Variants in LRPPRC observed in about 807,000 individuals in gnomAD.
The protein encoded by LRPPRC is leucine rich pentatricopeptide repeat containing, also known as leucine-rich PPR motif-containing protein, mitochondrial.
In LRPPRC, 120 loss-of-function variants were observed where a neutral mutation model predicts 180.3. That is an observed-to-expected ratio of 0.67 (90% CI 0.57 to 0.77). The LOEUF (loss-of-function observed/expected upper bound fraction) is 0.77, where lower values mean the gene tolerates loss of function less well. Ranked by LOEUF, LRPPRC falls within the 30% of genes least tolerant of loss-of-function variation. The probability of loss-of-function intolerance (pLI) is 0.00; values close to 1 mark genes in which losing one functional copy is unlikely to be tolerated. For synonymous variants in LRPPRC, 723 were observed against 600.0 expected, an observed-to-expected ratio of 1.21 and a Z score of -3.00; for missense variants, 2,012 against 1,657.2, an observed-to-expected ratio of 1.21 and a Z score of -3.72.
Position 43,925,896 on chromosome 2 carries a change from A to C in LRPPRC, c.2802T>G (p.Asn934Lys). ...QWFCDRCVAN[N>K]QVETLEKLVE... The stretch of plus-strand genomic sequence containing the variant: ...GACATCTGAATCAAATACAAACCTG[A>C]TTATTTGCAACACATCTGTCACAAA... Residue 934 changes from asparagine (N) to lysine (K), a missense_variant, in exon 26 of 38, where the codon AAT becomes AAG. Transcript: ENST00000260665. 2 of 1,608,558 alleles carry C rather than the reference A, an allele frequency of 1.2e-6. No individual in the cohort carries two copies. The highest frequency in any genetic ancestry group is 1.3e-5 in the African/African-American group (1 of 74,928).
At chr2:43,975,808 C>A (rs1430552874) in intron 6 of LRPPRC, among the ~76,000 whole-genome samples, 1 of 152,102 alleles carries the variant, frequency 6.6e-6, no homozygotes, top group East Asian at 1.9e-4. Flanking sequence ...GTCTTGAACT[C>A]CTGACCTCAG....
chr2:43,899,740 C>A, intron 32 of LRPPRC, 135 bp from the exon 33 acceptor site: 1 of 643,380 alleles, frequency 1.6e-6, no homozygotes. Context: ...TACACTTAAC[C>A]AAATAAACAC....
intron 31 of LRPPRC, chr2:43,901,816 G>C (rs542087938): frequency 5.7e-6 from 2 of 349,366 alleles, no homozygotes; most frequent in African/African-American, 2.1e-5. Flanking sequence ...AGTGACTAAA[G>C]TTGGTAAGTT....
intron 30 of LRPPRC, among the ~76,000 whole-genome samples, chr2:43,911,983 G>A (rs1260770389): frequency 3.9e-5 from 6 of 151,984 alleles, no homozygotes; most frequent in African/African-American, 1.5e-4. Flanking sequence ...TCATCATACG[G>A]AAGAAGAACT....
At position 43,918,032 on chromosome 2, in the gene LRPPRC, T is replaced by G. The variant is rs746870864; in HGVS notation, c.3141A>C (p.Gln1047His). Residue 1047 changes from glutamine (Q) to histidine (H), a missense_variant, in exon 29 of 38, where the codon CAA (glutamine) becomes CAC (histidine). Coordinates refer to ENST00000260665, the MANE Select transcript of LRPPRC (RefSeq NM_133259.4). ...KDILIACRLNQKKGAYDIFLN... is the reference protein window; with the variant it reads ...KDILIACRLNHKKGAYDIFLN... Reference sequence around the variant, plus strand: ...ATCCCCGTATGTGCTTGCCTTTTTTTTGGTTCAATCGGCAGGCAATCAATA... The same window carrying G: ...ATCCCCGTATGTGCTTGCCTTTTTTGTGGTTCAATCGGCAGGCAATCAATA... 1 of 1,610,724 alleles carries G rather than the reference T, an allele frequency of 6.2e-7. No individual in the cohort carries two copies.
At chr2:43,891,481 A>C (rs1048562929) in intron 36 of LRPPRC, among the ~76,000 whole-genome samples, 2 of 152,172 alleles carry the variant, frequency 1.3e-5, no homozygotes, top group African/African-American at 4.8e-5. Context: ...TTCCTGGAAT[A>C]TTTCAACCTT....
At chr2:43,916,011 C>T (rs1287821258) in intron 29 of LRPPRC, among the ~76,000 whole-genome samples, 5 of 152,124 alleles carry the variant, frequency 3.3e-5, no homozygotes, top group Non-Finnish European at 5.9e-5. Flanking sequence ...GTGATCTGCC[C>T]ACCTTGGCCT....
chr2:43,889,694 C>T (rs1670413502), intron 37 of LRPPRC, 40 bp downstream of exon 37: 2 of 1,469,228 alleles, frequency 1.4e-6, no homozygotes, highest in Middle Eastern at 1.7e-4. Context: ...GCACATAAAT[C>T]TGCAGAGGTA....
chr2:43,935,121 G>C (rs888511865), intron 23 of LRPPRC, among the ~76,000 whole-genome samples: 1 of 152,110 alleles, frequency 6.6e-6, no homozygotes, highest in African/African-American at 2.4e-5. Context: ...TTATTATTTC[G>C]TGTGTTAAAG....
intron 3 of LRPPRC, 49 bp downstream of exon 3, chr2:43,979,777 A>T: frequency 6.3e-7 from 1 of 1,583,074 alleles, no homozygotes; most frequent in Non-Finnish European, 8.7e-7. Flanking sequence ...TTGCAAAAAG[A>T]AAAAACATCT....
chr2:43,911,505 T>TTTC (rs202191599), intron 30 of LRPPRC, among the ~76,000 whole-genome samples: 7 of 135,294 alleles, frequency 5.2e-5, no homozygotes, highest in South Asian at 2.5e-4. Flanking sequence ...TTCCTTTTCT[T>TTTC]TTCTTCTTCT....
intron 36 of LRPPRC, among the ~76,000 whole-genome samples, chr2:43,893,191 G>A (rs747968305): frequency 1.3e-5 from 2 of 152,182 alleles, no homozygotes; most frequent in African/African-American, 4.8e-5. Flanking sequence ...TCTTGAGAAG[G>A]AATCTACTCT....
intron 35 of LRPPRC, 138 bp downstream of exon 35, chr2:43,896,496 G>T: frequency 1.5e-6 from 1 of 659,304 alleles, no homozygotes; most frequent in Non-Finnish European, 2.8e-6. Flanking sequence ...CTGACTCTAA[G>T]TAGAGACAAG....
chr2:43,960,559 C>G lies in LRPPRC; in HGVS notation c.1564G>C (p.Asp522His), dbSNP rs761230856. The G allele has an allele frequency of 6.3e-7, 1 of 1,582,570 alleles. No individual in the cohort carries two copies. Among genetic ancestry groups the G allele is most frequent in the Admixed American group, 1.7e-5 (1 of 59,976 alleles). The change falls in exon 13 of 38, where the codon GAC becomes CAC. Residue 522 changes from aspartate to histidine, a missense_variant. By Grantham distance (81) the Asp-to-His change is moderately conservative (BLOSUM62 -1). Transcript: ENST00000260665. Reference protein sequence around the residue: ...LRSEAANGNLDFVLSFLKSNT... With the variant: ...LRSEAANGNLHFVLSFLKSNT... ...TACTTACAAAATGATAATACAAAGT[C>G]TAAGTTCCCATTTGCTGCTTCACTT...
At chr2:43,956,006 T>G (rs1434261283) in intron 14 of LRPPRC, among the ~76,000 whole-genome samples, 3 of 151,276 alleles carry the variant, frequency 2.0e-5, no homozygotes, top group African/African-American at 7.3e-5. Context: ...TGTGATACAA[T>G]GTAAGACGTG....
chr2:43,927,533 T>A (rs994025746), intron 25 of LRPPRC, among the ~76,000 whole-genome samples: 1 of 152,228 alleles, frequency 6.6e-6, no homozygotes, highest in Non-Finnish European at 1.5e-5. Flanking sequence ...TTTCTTACGT[T>A]ATTTGTTTTG....
At chr2:43,892,210 C>T (rs900395146) in intron 36 of LRPPRC, among the ~76,000 whole-genome samples, 1 of 152,172 alleles carries the variant, frequency 6.6e-6, no homozygotes, top group East Asian at 1.9e-4. Context: ...AACAGATACT[C>T]CATGTAGATA....
rs1250145496 is a variant in LRPPRC at position 43,953,825 on chromosome 2, C to A, written c.1650-3225G>T. ...AACAAAGACACCAAGATTCTCAGAGCTTCTAGCTGGGCTTCTTCCACTACA... is the reference window on the plus strand; with the variant it reads ...AACAAAGACACCAAGATTCTCAGAGATTCTAGCTGGGCTTCTTCCACTACA... On this transcript the variant is annotated intron_variant, in intron 14 of 37. Coordinates refer to ENST00000260665, the MANE Select transcript of LRPPRC (RefSeq NM_133259.4). Among the ~76,000 whole-genome samples the A allele has an allele frequency of 3.9e-5, 6 of 152,194 alleles. No individual in the cohort carries two copies. The South Asian group carries it at 6.2e-4, about 16-fold the overall frequency.
At position 43,974,239 on chromosome 2, in the gene LRPPRC, G is replaced by A. The variant is rs1673949219; in HGVS notation, c.1066C>T (p.Gln356Ter). The A allele has an allele frequency of 6.2e-7, 1 of 1,611,182 alleles. No individual in the cohort carries two copies. The highest frequency in any genetic ancestry group is 8.5e-7 in the Non-Finnish European group (1 of 1,177,434). Residue 356 changes from glutamine to a stop codon, truncating the protein, a stop_gained, in exon 9 of 38, where the codon CAA (glutamine) becomes TAA (stop). Coordinates refer to ENST00000260665, the MANE Select transcript of LRPPRC (RefSeq NM_133259.4). LOFTEE classifies it high-confidence loss of function. ...GATACGGGGCATGCTAGTAAAATTT[G>A]CAACGCTACATCTTCCAATTTTTCA... ...VTEKLEDVAL[Q>*]ILLACPVSKE...
Sources: gnomAD v4.1 joint callset for allele counts (sites outside exome capture counted in the v4.1 genomes callset) on GRCh38, gnomAD v4.1.1 for gene constraint, MANE v1.5 for transcripts, NCBI Gene and HGNC (gene_info 2026-07-23, HGNC 2026-07-21) for gene names.